Variants in GUCY2F observed in about 807,000 individuals in gnomAD.
The protein encoded by GUCY2F is guanylate cyclase 2F, retinal, also known as retinal guanylyl cyclase 2.
Under a neutral mutation model 73.1 loss-of-function variants are expected in GUCY2F, and 61 were observed. The ratio of observed to expected loss-of-function variants is 0.83; its 90% CI spans 0.68 to 1.03. GUCY2F has a LOEUF of 1.03. Among genes scored for constraint, GUCY2F ranks in the 50% least tolerant of loss-of-function variants. The pLI, the probability that GUCY2F is intolerant of heterozygous loss-of-function variation, is 0.00. For missense variants in GUCY2F, 912 were observed against 854.3 expected (o/e 1.07, Z -0.84); for synonymous variants, 331 against 307.8 (o/e 1.08, Z -0.79).
At chrX:109,454,214 T>C (rs1322263900) in intron 3 of GUCY2F, among the ~76,000 whole-genome samples, 2 of 112,030 alleles carry the variant, frequency 1.8e-5, no homozygotes, top group Non-Finnish European at 3.8e-5. Flanking sequence ...AAAGTAAATA[T>C]GCCAGGTTAA....
intron 7 of GUCY2F, among the ~76,000 whole-genome samples, chrX:109,434,281 C>T (rs750916341): frequency 7.0e-4 from 78 of 110,721 alleles, no homozygotes; most frequent in African/African-American, 2.3e-3. Flanking sequence ...GACATGTCCC[C>T]ACTGCATCTG....
intron 1 of GUCY2F, among the ~76,000 whole-genome samples, chrX:109,480,813 A>C (rs763604447): frequency 7.3e-5 from 8 of 110,188 alleles, no homozygotes; most frequent in African/African-American, 2.6e-4. Flanking sequence ...CTCCCTGGAC[A>C]ACCAGAAAGT....
chrX:109,477,484 A>C (rs1412886368), intron 1 of GUCY2F, among the ~76,000 whole-genome samples: 2 of 112,163 alleles, frequency 1.8e-5, no homozygotes, highest in African/African-American at 6.5e-5. Context: ...AAGAGTTATA[A>C]ATTCTTAATA....
chrX:109,388,409 A>C, intron 15 of GUCY2F, 80 bp downstream of exon 15: 1 of 764,799 alleles, frequency 1.3e-6, no homozygotes, highest in Non-Finnish European at 2.0e-6. Flanking sequence ...GAATCAGGGG[A>C]GAGCTATCTT....
At position 109,423,717 on chromosome X, in the gene GUCY2F, A is replaced by G. The variant is rs902669160; in HGVS notation, c.1791+6590T>C. Reference sequence around the variant, plus strand: ...CAAAAAGTGGTTTTTATTAAAAAAAAAAAAGAAAAATTTCTGGGTGGTAGC... The same window carrying G: ...CAAAAAGTGGTTTTTATTAAAAAAAGAAAAGAAAAATTTCTGGGTGGTAGC... On this transcript the variant is annotated intron_variant, in intron 8 of 19. Coordinates refer to ENST00000218006, the MANE Select transcript of GUCY2F (RefSeq NM_001522.3). 2.8e-5 allele frequency among the ~76,000 whole-genome samples: 3 copies of G among 108,904 alleles called. No individual in the cohort carries two copies. In the East Asian group the frequency reaches 8.5e-4, roughly 31 times the overall value. 94.6% of individuals were successfully genotyped at this position (108,904 alleles called of 115,157 possible).
chrX:109,465,465 G>C (rs1932450859), intron 2 of GUCY2F, 22 bp from the exon 3 acceptor site: 1 of 1,116,213 alleles, frequency 9.0e-7, no homozygotes, highest in South Asian at 2.0e-5. Flanking sequence ...AAAGCAAGGA[G>C]GTTATGGAAG....
intron 8 of GUCY2F, among the ~76,000 whole-genome samples, chrX:109,424,473 T>C (rs2147266521): frequency 9.0e-6 from 1 of 111,680 alleles, no homozygotes; most frequent in Admixed American, 9.5e-5. Flanking sequence ...AACTATTCTG[T>C]ATGTTGCTAT....
chrX:109,392,610 C>T (rs746844873), intron 13 of GUCY2F, among the ~76,000 whole-genome samples: 6 of 111,135 alleles, frequency 5.4e-5, no homozygotes, highest in Non-Finnish European at 1.1e-4. Flanking sequence ...ATCGGTCAAC[C>T]TCCTAGCAAA....
intron 3 of GUCY2F, among the ~76,000 whole-genome samples, chrX:109,457,970 T>A (rs1033275546): frequency 1.8e-5 from 2 of 111,917 alleles, no homozygotes; most frequent in African/African-American, 6.5e-5. Context: ...TTCAGAATTC[T>A]AATTTGGCCA....
intron 2 of GUCY2F, among the ~76,000 whole-genome samples, chrX:109,472,491 A>T (rs184995768): frequency 8.9e-6 from 1 of 111,821 alleles, no homozygotes; most frequent in African/African-American, 3.3e-5. Context: ...GATCACACAA[A>T]AAGTTTGTTG....
At chrX:109,380,668 A>G (rs1930280053) in intron 17 of GUCY2F, among the ~76,000 whole-genome samples, 1 of 111,956 alleles carries the variant, frequency 8.9e-6, no homozygotes, top group Non-Finnish European at 1.9e-5. Flanking sequence ...TGGGGAAACC[A>G]TGAAGCTGCA....
At position 109,395,502 on chromosome X, in the gene GUCY2F, G is replaced by A. The variant is rs770158150; in HGVS notation, c.2276-13C>T. 9.3e-6 allele frequency: 11 copies of A among 1,183,803 alleles called. No individual in the cohort carries two copies. Among genetic ancestry groups the A allele is most frequent in the Middle Eastern group, 2.3e-4 (1 of 4,273 alleles). On this transcript the variant is annotated splice_polypyrimidine_tract_variant and intron_variant, in intron 11 of 19. Transcript: ENST00000218006. The stretch of plus-strand genomic sequence containing the variant: ...CTGTTTATGATTTCTGTCCAGATGC[G>A]AGAAGAGAACCGTTTACAAATCATG...
intron 3 of GUCY2F, among the ~76,000 whole-genome samples, chrX:109,463,370 T>C (rs1932400413): frequency 9.1e-6 from 1 of 110,198 alleles, no homozygotes; most frequent in Non-Finnish European, 1.9e-5. Context: ...TGGGACACAA[T>C]CGTGACAAAC....
chrX:109,468,119 C>T (rs1180246285), intron 2 of GUCY2F, among the ~76,000 whole-genome samples: 1 of 111,740 alleles, frequency 8.9e-6, no homozygotes, highest in Non-Finnish European at 1.9e-5. Context: ...AGGTGTTCTC[C>T]TTGAAAATAC....
At chrX:109,382,933 A>T (rs1324976953) in intron 16 of GUCY2F, among the ~76,000 whole-genome samples, 1 of 112,062 alleles carries the variant, frequency 8.9e-6, no homozygotes, top group African/African-American at 3.2e-5. Context: ...GATCCTTGAC[A>T]TTTCTAAAAA....
intron 1 of GUCY2F, among the ~76,000 whole-genome samples, 173 bp from the exon 2 acceptor site, chrX:109,476,194 T>C (rs1932693133): frequency 9.1e-6 from 1 of 110,227 alleles, no homozygotes; most frequent in Non-Finnish European, 1.9e-5. Context: ...TCTCAGTACA[T>C]GGCACATCCA....
At chrX:109,448,021 G>C (rs760633753) in intron 6 of GUCY2F, 48 bp downstream of exon 6, 1 of 599,052 alleles carries the variant, frequency 1.7e-6, no homozygotes, top group Non-Finnish European at 2.8e-6. Flanking sequence ...TTTGTGGCTT[G>C]TGGCTACCAT....
chrX:109,397,389 C>T (rs1172299868), intron 11 of GUCY2F, among the ~76,000 whole-genome samples: 1 of 111,410 alleles, frequency 9.0e-6, no homozygotes, highest in African/African-American at 3.3e-5. Flanking sequence ...ATGTGGAACC[C>T]TGAGTGGGAC....
intron 2 of GUCY2F, among the ~76,000 whole-genome samples, chrX:109,468,674 A>G (rs907558748): frequency 7.2e-5 from 8 of 111,682 alleles, no homozygotes; most frequent in Non-Finnish European, 1.5e-4. Flanking sequence ...AACTGAAAAG[A>G]CCCTTTAAGA....
Sources: allele counts gnomAD v4.1 joint callset (sites outside exome capture counted in the v4.1 genomes callset), GRCh38; gene constraint gnomAD v4.1.1; transcripts MANE v1.5; gene names NCBI Gene and HGNC (gene_info 2026-07-23, HGNC 2026-07-21).